The following UNC80 variants were observed in gnomAD, a reference collection of about 807,000 sequenced individuals.
UNC80 encodes unc-80 subunit of NALCN channel complex.
In UNC80, 164 loss-of-function variants were observed where a neutral mutation model predicts 384.6. The ratio of observed to expected loss-of-function variants is 0.43; its 90% CI spans 0.38 to 0.49. The LOEUF (loss-of-function observed/expected upper bound fraction) is 0.49, where lower values mean the gene tolerates loss of function less well. Among genes scored for constraint, UNC80 ranks in the 20% least tolerant of loss-of-function variants. The pLI is 0.00. For missense variants in UNC80, 3,330 were observed against 4,143.0 expected, an observed-to-expected ratio of 0.80 and a Z score of 5.39; for synonymous variants, 1,486 against 1,527.8, an observed-to-expected ratio of 0.97 and a Z score of 0.64.
At chr2:209,914,957 G>A (rs1359152353) in intron 31 of UNC80, among the ~76,000 whole-genome samples, 1 of 151,982 alleles carries the variant, frequency 6.6e-6, no homozygotes, top group East Asian at 1.9e-4. Context: ...ATACCATACT[G>A]CAATAAATAT....
chr2:209,830,535 A>G (rs2080880079), intron 15 of UNC80, among the ~76,000 whole-genome samples: 2 of 152,170 alleles, frequency 1.3e-5, no homozygotes, highest in South Asian at 4.1e-4. Context: ...GTAATAAAGT[A>G]TATTACTTTA....
intron 32 of UNC80, 105 bp from the exon 33 acceptor site, chr2:209,918,427 C>A: frequency 7.6e-7 from 1 of 1,310,370 alleles, no homozygotes; most frequent in Non-Finnish European, 1.0e-6. Context: ...TGTGAAGTCA[C>A]TTGGATGATT....
intron 29 of UNC80, among the ~76,000 whole-genome samples, chr2:209,910,493 C>G (rs1340463865): frequency 1.3e-5 from 2 of 152,128 alleles, no homozygotes; most frequent in South Asian, 2.1e-4. Context: ...AGCTTCCTTC[C>G]TTTTCCACTA....
intron 47 of UNC80, among the ~76,000 whole-genome samples, chr2:209,952,654 A>C (rs2092238716): frequency 6.6e-6 from 1 of 152,182 alleles, no homozygotes; most frequent in Non-Finnish European, 1.5e-5. Flanking sequence ...GAACTGAAGA[A>C]GCTTTCTTTC....
intron 52 of UNC80, chr2:209,968,759 C>G (rs1358875372): frequency 6.6e-6 from 1 of 152,134 alleles, no homozygotes. Context: ...TACTTCATAT[C>G]TAAAGACGTT....
intron 4 of UNC80, among the ~76,000 whole-genome samples, chr2:209,780,768 G>T (rs2077115250): frequency 6.6e-6 from 1 of 151,888 alleles, no homozygotes; most frequent in African/African-American, 2.4e-5. Context: ...GCCGTTATCA[G>T]GTTCTGTTGG....
intron 25 of UNC80, among the ~76,000 whole-genome samples, chr2:209,883,833 G>A (rs2085521361): frequency 6.6e-6 from 1 of 152,090 alleles, no homozygotes. Context: ...TTTCACTTAG[G>A]ATAATGTCTT....
In UNC80 at chr2:209,947,793, C is replaced by T. The variant is rs554944342; in HGVS notation, c.7286+1850C>T. Among the ~76,000 whole-genome samples, 3 of 152,184 alleles carry T rather than the reference C, an allele frequency of 2.0e-5. No homozygotes were observed. The South Asian group carries it at 6.2e-4, about 32-fold the overall frequency. On this transcript the variant is annotated intron_variant, in intron 47 of 64. Transcript: ENST00000673920. ...TAAAAAAATCATAATTTTACAGTTC[C>T]ATGAATGTTCATAATGTTATCACAT... is the stretch of plus-strand genomic sequence containing the variant.
chr2:209,991,592 A>C (rs2093392319), intron 61 of UNC80, among the ~76,000 whole-genome samples: 2 of 152,136 alleles, frequency 1.3e-5, no homozygotes, highest in African/African-American at 4.8e-5. Context: ...CAGCCTTTTA[A>C]ATCTAAAACC....
At chr2:209,841,436 A>T (rs1014095531) in intron 20 of UNC80, among the ~76,000 whole-genome samples, 1 of 151,946 alleles carries the variant, frequency 6.6e-6, no homozygotes, top group Non-Finnish European at 1.5e-5. Flanking sequence ...GCTCACTGCA[A>T]CCTCCGCCTT....
At chr2:209,780,082 C>G (rs1232810197) in intron 4 of UNC80, among the ~76,000 whole-genome samples, 3 of 152,172 alleles carry the variant, frequency 2.0e-5, no homozygotes, top group African/African-American at 7.2e-5. Flanking sequence ...AATTCATTAA[C>G]AAATGTTAGT....
At chr2:209,855,267 C>T (rs546460728) in intron 22 of UNC80, among the ~76,000 whole-genome samples, 30 of 152,060 alleles carry the variant, frequency 2.0e-4, no homozygotes, top group African/African-American at 7.2e-4. Flanking sequence ...GACACATGGA[C>T]ACAGGGGAAC....
intron 5 of UNC80, among the ~76,000 whole-genome samples, chr2:209,787,159 G>GTCCCTGCATGGAAGT (rs1559088625): frequency 1.2e-4 from 13 of 111,274 alleles, no homozygotes; most frequent in East Asian, 6.7e-4. Flanking sequence ...TAAGAAACCA[G>GTCCCTGCATGGAAGT]ACTCAGCTTA....
intron 18 of UNC80, among the ~76,000 whole-genome samples, chr2:209,836,544 C>A (rs1044660805): frequency 6.6e-6 from 1 of 152,222 alleles, no homozygotes; most frequent in Non-Finnish European, 1.5e-5. Context: ...TTTAGCACAT[C>A]TATTCTTTCT....
chr2:209,806,488 T>C (rs112860250), intron 7 of UNC80, among the ~76,000 whole-genome samples: 9 of 152,370 alleles, frequency 5.9e-5, no homozygotes, highest in African/African-American at 2.2e-4. Context: ...TAATTAGACA[T>C]GAATCAGTGG....
At chr2:209,833,573 A>G (rs2081145702) in intron 16 of UNC80, among the ~76,000 whole-genome samples, 1 of 152,188 alleles carries the variant, frequency 6.6e-6, no homozygotes. Flanking sequence ...TTTTGTCATA[A>G]TGTTGCAGAA....
intron 36 of UNC80, among the ~76,000 whole-genome samples, chr2:209,927,846 A>G (rs528998644): frequency 2.3e-4 from 35 of 152,334 alleles, no homozygotes; most frequent in African/African-American, 6.7e-4. Flanking sequence ...ATCATTATTT[A>G]AAATAAAAAA....
chr2:209,856,293 T>C (rs2082911657), intron 22 of UNC80, among the ~76,000 whole-genome samples: 1 of 152,170 alleles, frequency 6.6e-6, no homozygotes, highest in Admixed American at 6.5e-5. Context: ...CATTCTCTTA[T>C]TGGAAGATTA....
intron 61 of UNC80, among the ~76,000 whole-genome samples, chr2:209,987,732 G>A (rs1387062367): frequency 6.6e-6 from 1 of 151,960 alleles, no homozygotes; most frequent in South Asian, 2.1e-4. Flanking sequence ...TTTAATCACA[G>A]TGAAAAATAA....
Sources: allele counts gnomAD v4.1 joint callset (sites outside exome capture counted in the v4.1 genomes callset), GRCh38; gene constraint gnomAD v4.1.1; transcripts MANE v1.5; gene names NCBI Gene and HGNC (gene_info 2026-07-23, HGNC 2026-07-21).